Variants in ERC2 observed in about 807,000 individuals in gnomAD.
ERC2 encodes ELKS/RAB6-interacting/CAST family member 2, also known as ERC protein 2.
A neutral mutation model predicts 114.8 loss-of-function variants in ERC2; 42 were observed. That is an observed-to-expected ratio of 0.37 (90% CI 0.29 to 0.47). The LOEUF (loss-of-function observed/expected upper bound fraction) is 0.47, where lower values mean the gene tolerates loss of function less well. ERC2 is among the 20% of genes least tolerant of loss of function. The pLI is 0.99. For synonymous variants in ERC2, 454 were observed against 425.5 expected (o/e 1.07, Z -0.82); for missense variants, 939 against 1,150.7 (o/e 0.82, Z 2.66).
rs1559782626 is a variant in ERC2, at chr3:55,864,120, C to CATATATATATAT, written c.2564+24268_2564+24269insATATATATATAT. 4.0e-3 allele frequency among the ~76,000 whole-genome samples: 435 copies of CATATATATATAT among 109,250 alleles called. 1 individual carries two copies. The highest frequency in any genetic ancestry group is 0.016 in the African/African-American group (409 of 25,014). 71.7% of individuals were successfully genotyped at this position (109,250 alleles called of 152,430 possible). A position where few individuals can be genotyped will look rare whatever the true frequency, so the allele number is the denominator to read the frequency against. ...AGGTATATATATATATATATATATACACACACACATATATATATACATATA... is the reference window on the plus strand; with the variant it reads ...AGGTATATATATATATATATATATACATATATATATATACACACACATATATATATACATATA... On this transcript the variant is annotated intron_variant, in intron 14 of 17. Coordinates refer to ENST00000288221, the MANE Select transcript of ERC2 (RefSeq NM_015576.3).
At chr3:55,839,283 A>G (rs1444832268) in intron 14 of ERC2, among the ~76,000 whole-genome samples, 1 of 151,846 alleles carries the variant, frequency 6.6e-6, no homozygotes, top group Non-Finnish European at 1.5e-5. Context: ...TTCAGCTAAA[A>G]AAAAGCTTAT....
Position 56,405,710 on chromosome 3 carries a change from T to G in ERC2, c.657+28641A>C, listed in dbSNP as rs1026043623. Among the ~76,000 whole-genome samples, 4 of 152,224 alleles carry G rather than the reference T, an allele frequency of 2.6e-5. No homozygotes were observed. In the East Asian group the frequency reaches 7.7e-4, roughly 29 times the overall value. On this transcript the variant is annotated intron_variant, in intron 2 of 17. Transcript: ENST00000288221. ...AGATTAAATGTGTTTTAAATTTAAA[T>G]GTCTGGATGCTATCTCATAATATGA... is the stretch of plus-strand genomic sequence containing the variant.
intron 17 of ERC2, among the ~76,000 whole-genome samples, chr3:55,517,687 C>G (rs899555491): frequency 6.6e-6 from 1 of 152,184 alleles, no homozygotes; most frequent in Non-Finnish European, 1.5e-5. Context: ...ATGGCCTTCT[C>G]CCCACTGGCA....
intron 14 of ERC2, among the ~76,000 whole-genome samples, chr3:55,756,091 T>C: frequency 6.6e-6 from 1 of 152,098 alleles, no homozygotes; most frequent in East Asian, 1.9e-4. Flanking sequence ...CAGAAATAAG[T>C]GGCTATAATT....
chr3:56,263,258 C>T (rs986677784), intron 3 of ERC2, among the ~76,000 whole-genome samples: 33 of 151,792 alleles, frequency 2.2e-4, no homozygotes, highest in African/African-American at 7.7e-4. Flanking sequence ...GCCATCACTT[C>T]CCCCATGAAG....
chr3:56,194,934 T>C (rs950977958), intron 3 of ERC2, among the ~76,000 whole-genome samples: 3 of 152,126 alleles, frequency 2.0e-5, no homozygotes, highest in African/African-American at 7.2e-5. Flanking sequence ...TCCTCACTTA[T>C]CCAAGGAGAA....
chr3:55,791,300 G>C (rs4521190), intron 14 of ERC2, among the ~76,000 whole-genome samples: 21,503 of 152,044 alleles, frequency 0.14, 1,728 homozygotes, highest in East Asian at 0.23. Context: ...ATGGAAATGA[G>C]AAAGTAAGTT....
At chr3:55,821,410 G>C (rs564457212) in intron 14 of ERC2, among the ~76,000 whole-genome samples, 11 of 152,190 alleles carry the variant, frequency 7.2e-5, no homozygotes, top group Non-Finnish European at 1.3e-4. Context: ...TAGATGTGAA[G>C]GGGCTGAGTG....
intron 1 of ERC2, among the ~76,000 whole-genome samples, chr3:56,440,352 G>A (rs1275456561): frequency 6.6e-6 from 1 of 152,108 alleles, no homozygotes; most frequent in Non-Finnish European, 1.5e-5. Context: ...GACCATCCTG[G>A]CTAACACGGT....
intron 6 of ERC2, among the ~76,000 whole-genome samples, chr3:56,104,412 G>A (rs2078532466): frequency 6.6e-6 from 1 of 152,102 alleles, no homozygotes; most frequent in South Asian, 2.1e-4. Context: ...ACCACTTGAG[G>A]CCAAACCCCA....
intron 16 of ERC2, among the ~76,000 whole-genome samples, chr3:55,697,263 C>G (rs1428524716): frequency 6.6e-6 from 1 of 152,214 alleles, no homozygotes; most frequent in African/African-American, 2.4e-5. Context: ...GATTTCTCAT[C>G]TGGAGAAGGC....
At chr3:56,396,791 G>A (rs1198854606) in intron 2 of ERC2, among the ~76,000 whole-genome samples, 1 of 152,030 alleles carries the variant, frequency 6.6e-6, no homozygotes, top group African/African-American at 2.4e-5. Flanking sequence ...CCCTTTGTGT[G>A]GTTCACTGAA....
chr3:56,394,392 G>A (rs1377040655), intron 2 of ERC2, among the ~76,000 whole-genome samples: 4 of 152,082 alleles, frequency 2.6e-5, no homozygotes, highest in Non-Finnish European at 4.4e-5. Context: ...ACAACTACAG[G>A]ATGATGAAAT....
chr3:55,846,652 T>C (rs1417789751), intron 14 of ERC2, among the ~76,000 whole-genome samples: 1 of 151,590 alleles, frequency 6.6e-6, no homozygotes, highest in Non-Finnish European at 1.5e-5. Context: ...ATATAAGTGT[T>C]ATTTCATCCT....
chr3:56,386,056 G>T (rs925260403), intron 2 of ERC2, among the ~76,000 whole-genome samples: 1 of 152,094 alleles, frequency 6.6e-6, no homozygotes, highest in African/African-American at 2.4e-5. Flanking sequence ...GAATGGAAAG[G>T]GTTGGTTCAG....
At chr3:55,599,768 T>A (rs1234117245) in intron 17 of ERC2, among the ~76,000 whole-genome samples, 2 of 152,216 alleles carry the variant, frequency 1.3e-5, no homozygotes, top group Non-Finnish European at 2.9e-5. Flanking sequence ...ATAATGACAA[T>A]TTTTTCTACC....
At chr3:56,134,622 T>C (rs1287702150) in intron 6 of ERC2, among the ~76,000 whole-genome samples, 2 of 152,196 alleles carry the variant, frequency 1.3e-5, no homozygotes, top group South Asian at 2.1e-4. Context: ...GTTGATTATA[T>C]TTTTTAGAAG....
chr3:56,420,907 AAAG>A (rs1331669126), intron 2 of ERC2, among the ~76,000 whole-genome samples: 6 of 151,620 alleles, frequency 4.0e-5, no homozygotes, highest in South Asian at 2.1e-4. Flanking sequence ...AAAAAAAAAA[AAAG>A]AAAGAAAGAA....
intron 13 of ERC2, among the ~76,000 whole-genome samples, chr3:55,923,741 A>C (rs1032275482): frequency 6.6e-6 from 1 of 152,040 alleles, no homozygotes; most frequent in African/African-American, 2.4e-5. Flanking sequence ...CATGCCTTTA[A>C]ATTTTCTACT....
Sources: gnomAD v4.1 joint callset for allele counts (sites outside exome capture counted in the v4.1 genomes callset) on GRCh38, gnomAD v4.1.1 for gene constraint, MANE v1.5 for transcripts, NCBI Gene and HGNC (gene_info 2026-07-23, HGNC 2026-07-21) for gene names.